The following CCSER1 variants were observed in gnomAD, a reference collection of about 807,000 sequenced individuals.
CCSER1 encodes the protein serine-rich coiled-coil domain-containing protein 1.
In CCSER1, 41 loss-of-function variants were observed where a neutral mutation model predicts 82.0. The ratio of observed to expected loss-of-function variants is 0.50; its 90% CI spans 0.39 to 0.65. The LOEUF (loss-of-function observed/expected upper bound fraction) is 0.65, where lower values mean the gene tolerates loss of function less well. Among genes scored for constraint, CCSER1 ranks in the 30% least tolerant of loss-of-function variants. CCSER1 has a pLI of 0.00. For missense variants in CCSER1, 1,119 were observed against 1,064.2 expected (o/e 1.05, Z -0.72); for synonymous variants, 414 against 383.9 (o/e 1.08, Z -0.92).
chr4:90,368,676 G>A lies in CCSER1; in HGVS notation c.1510-31360G>A, dbSNP rs577248733. ...TACTCAAATGTCATCTCTCAATTAG[G>A]CCATTCCTGATCATCATATATGAAA... On this transcript the variant is annotated intron_variant, in intron 3 of 10. Transcript: ENST00000509176. Among the ~76,000 whole-genome samples the A allele has an allele frequency of 1.4e-4, 21 of 151,538 alleles. No individual in the cohort carries two copies. In the South Asian group the frequency reaches 4.4e-3, roughly 32 times the overall value.
chr4:91,429,117 C>G (rs1754152325), intron 10 of CCSER1, among the ~76,000 whole-genome samples: 1 of 151,846 alleles, frequency 6.6e-6, no homozygotes, highest in African/African-American at 2.4e-5. Flanking sequence ...TATCATAATA[C>G]TTTTTCTTTT....
intron 5 of CCSER1, among the ~76,000 whole-genome samples, chr4:90,601,314 A>G (rs1167181533): frequency 6.6e-6 from 1 of 151,576 alleles, no homozygotes; most frequent in East Asian, 1.9e-4. Context: ...TGTGTGTTTA[A>G]TATATATTTA....
chr4:90,636,568 A>T (rs985092355), intron 6 of CCSER1, among the ~76,000 whole-genome samples: 2 of 152,134 alleles, frequency 1.3e-5, no homozygotes, highest in South Asian at 2.1e-4. Context: ...CAAGCAATAC[A>T]ATTTACTATA....
At chr4:90,271,301 A>G (rs796470360) in intron 1 of CCSER1, among the ~76,000 whole-genome samples, 2 of 152,246 alleles carry the variant, frequency 1.3e-5, no homozygotes, top group African/African-American at 4.8e-5. Context: ...CATATAGATC[A>G]ATGGAGCATA....
intron 10 of CCSER1, among the ~76,000 whole-genome samples, chr4:91,263,616 T>C (rs1741356508): frequency 6.6e-6 from 1 of 152,014 alleles, no homozygotes; most frequent in Non-Finnish European, 1.5e-5. Context: ...ATTTTCTGCT[T>C]TATATGCCAA....
chr4:90,856,120 C>G (rs2149959402), intron 8 of CCSER1, among the ~76,000 whole-genome samples: 1 of 152,122 alleles, frequency 6.6e-6, no homozygotes, highest in South Asian at 2.1e-4. Context: ...TGGTTATTCC[C>G]CCCATCTTCC....
chr4:91,442,780 AAAAC>A (rs1443228666), intron 10 of CCSER1, among the ~76,000 whole-genome samples: 13 of 149,838 alleles, frequency 8.7e-5, no homozygotes, highest in Non-Finnish European at 1.3e-4. Flanking sequence ...TTACAAGAAA[AAAAC>A]AAACAACCCC....
chr4:91,318,238 T>G (rs1035505650), intron 10 of CCSER1, among the ~76,000 whole-genome samples: 5 of 152,010 alleles, frequency 3.3e-5, no homozygotes, highest in Non-Finnish European at 7.4e-5. Context: ...GCAATCAAAC[T>G]GGCTGAGAAG....
intron 9 of CCSER1, among the ~76,000 whole-genome samples, chr4:91,018,307 G>A (rs1405870618): frequency 6.6e-6 from 1 of 151,998 alleles, no homozygotes; most frequent in African/African-American, 2.4e-5. Context: ...GAAAGCCATT[G>A]CCCTCCGTCT....
rs568303329 is a variant in CCSER1, at chr4:91,054,712, G to T, written c.2173-31238G>T. On this transcript the variant is annotated intron_variant, in intron 9 of 10. Coordinates refer to ENST00000509176, the MANE Select transcript of CCSER1 (RefSeq NM_001145065.2). ...TATCTCAGATTTGAGATTTTTTTTT[G>T]GGGCGGTGGGGTTGGTGGGGGTGGA... 2.7e-5 allele frequency among the ~76,000 whole-genome samples: 4 copies of T among 149,758 alleles called. No homozygotes were observed. The South Asian group carries it at 8.7e-4, about 32-fold the overall frequency.
At chr4:90,726,445 G>A (rs550079745) in intron 7 of CCSER1, among the ~76,000 whole-genome samples, 1 of 151,854 alleles carries the variant, frequency 6.6e-6, no homozygotes, top group Non-Finnish European at 1.5e-5. Flanking sequence ...ATTAAGTATG[G>A]AAAAAAAGAT....
intron 1 of CCSER1, among the ~76,000 whole-genome samples, chr4:90,202,758 C>T (rs1450568797): frequency 2.0e-5 from 3 of 152,214 alleles, no homozygotes; most frequent in Non-Finnish European, 4.4e-5. Flanking sequence ...AAGTCCGTCA[C>T]ATTTAGGTGA....
At position 90,576,633 on chromosome 4, in the gene CCSER1, A is replaced by G. The variant is rs565734855; in HGVS notation, c.1725-51392A>G. On this transcript the variant is annotated intron_variant, in intron 5 of 10. Transcript: ENST00000509176. ...GCATTCTACAGTTTGTAGCCTTTTC[A>G]GTTTACCTCTTTCGCTTCATAATAT... Among the ~76,000 whole-genome samples, 102 of 152,176 alleles carry G rather than the reference A, an allele frequency of 6.7e-4. 1 individual carries two copies. Among genetic ancestry groups the G allele is most frequent in the African/African-American group, 2.3e-3 (94 of 41,542 alleles).
At chr4:91,472,616 A>G (rs1757344589) in intron 10 of CCSER1, among the ~76,000 whole-genome samples, 1 of 152,212 alleles carries the variant, frequency 6.6e-6, no homozygotes, top group South Asian at 2.1e-4. Context: ...TATAATAACC[A>G]CTGATATCTT....
At chr4:91,059,457 A>ATT (rs758734458) in intron 9 of CCSER1, among the ~76,000 whole-genome samples, 15 of 77,100 alleles carry the variant, frequency 1.9e-4, no homozygotes, top group Non-Finnish European at 3.6e-4. Flanking sequence ...TATTAAGGTT[A>ATT]TATATATATA....
At chr4:91,253,588 G>C (rs1581848095) in intron 10 of CCSER1, among the ~76,000 whole-genome samples, 2 of 152,134 alleles carry the variant, frequency 1.3e-5, no homozygotes, top group African/African-American at 2.4e-5. Context: ...GGGAGCAGGG[G>C]TGGCTGCTAT....
In CCSER1 at chr4:91,383,546, T is replaced by C. The variant is rs115062336; in HGVS notation, c.2218-215026T>C. Among the ~76,000 whole-genome samples the C allele has an allele frequency of 6.9e-3, 1,054 of 152,218 alleles. 7 individuals carry two copies. The highest frequency in any genetic ancestry group is 0.024 in the African/African-American group (992 of 41,546). ...CTAAGATGTAAATACTAGTGAAACT[T>C]TAAGAGTTTAGGATAAATAGTTCAA... On this transcript the variant is annotated intron_variant, in intron 10 of 10. Coordinates refer to ENST00000509176, the MANE Select transcript of CCSER1 (RefSeq NM_001145065.2).
intron 6 of CCSER1, among the ~76,000 whole-genome samples, chr4:90,719,183 C>CG (rs1742239508): frequency 1.3e-5 from 2 of 152,084 alleles, no homozygotes; most frequent in Non-Finnish European, 2.9e-5. Context: ...CTCCACCTGC[C>CG]TTTCAGATCA....
intron 5 of CCSER1, among the ~76,000 whole-genome samples, chr4:90,495,603 T>G (rs1464215795): frequency 6.6e-6 from 1 of 152,206 alleles, no homozygotes; most frequent in Non-Finnish European, 1.5e-5. Flanking sequence ...AGATGCCCAC[T>G]AATTTTTATA....
Sources: allele counts gnomAD v4.1 joint callset (sites outside exome capture counted in the v4.1 genomes callset), GRCh38; gene constraint gnomAD v4.1.1; transcripts MANE v1.5; gene names NCBI Gene and HGNC (gene_info 2026-07-23, HGNC 2026-07-21).